FDFT1: variants seen among roughly 807,000 people sequenced by gnomAD.
FDFT1 encodes farnesyl-diphosphate farnesyltransferase 1, also known as squalene synthase.
FDFT1 carries 68 observed loss-of-function variants against 46.8 expected under a neutral mutation model. The ratio of observed to expected loss-of-function variants is 1.45; its 90% CI spans 1.19 to 1.78. The LOEUF (loss-of-function observed/expected upper bound fraction) is 1.78, where lower values mean the gene tolerates loss of function less well. Among genes scored for constraint, FDFT1 ranks in the 40% most tolerant of loss-of-function variants. The probability of loss-of-function intolerance (pLI) is 0.00; values close to 1 mark genes in which losing one functional copy is unlikely to be tolerated. For synonymous variants in FDFT1, 351 were observed against 185.1 expected (o/e 1.90, Z -7.28); for missense variants, 928 against 524.4 (o/e 1.77, Z -7.52).
intron 3 of FDFT1, among the ~76,000 whole-genome samples, chr8:11,816,123 G>T (rs1424524931): frequency 2.6e-5 from 4 of 152,158 alleles, no homozygotes; most frequent in Non-Finnish European, 5.9e-5. Context: ...ATTAAATAGG[G>T]AATCCTTTCT....
At chr8:11,831,882 G>T (rs144590001) in intron 7 of FDFT1, 10 of 494,348 alleles carry the variant, frequency 2.0e-5, no homozygotes, top group Admixed American at 3.4e-5. Flanking sequence ...GGTGAGAGGA[G>T]ATAAATGGAG....
rs931586562 is a variant in FDFT1 at position 11,803,151 on chromosome 8, C to T, written c.99+220C>T. 8 of 1,427,056 alleles carry T rather than the reference C, an allele frequency of 5.6e-6. No individual in the cohort carries two copies. The African/African-American group carries it at 7.2e-5, about 13-fold the overall frequency. The allele number at this position is 1,427,056 out of a possible 1,614,324, so 88.4% of individuals were successfully genotyped here. A position where few individuals can be genotyped will look rare whatever the true frequency, so the allele number is the denominator to read the frequency against. On this transcript the variant is annotated intron_variant, in intron 1 of 7. Coordinates refer to ENST00000220584, the MANE Select transcript of FDFT1 (RefSeq NM_004462.5). ...CCCTGCCCCCGCAAGCCGCCCTGGG[C>T]ATGAGCGACTTTTGCGTGGTTCCCG...
At chr8:11,823,380 ATTTTTT>A in intron 4 of FDFT1, among the ~76,000 whole-genome samples, 1 of 152,058 alleles carries the variant, frequency 6.6e-6, no homozygotes, top group East Asian at 1.9e-4. Context: ...AGATATACTA[ATTTTTT>A]TTTAAATTTC....
At chr8:11,832,081 C>A (rs898082219) in intron 7 of FDFT1, among the ~76,000 whole-genome samples, 3 of 152,156 alleles carry the variant, frequency 2.0e-5, no homozygotes, top group South Asian at 2.1e-4. Flanking sequence ...CTGGTACTTT[C>A]ATTATGCCAC....
At chr8:11,810,804 T>G (rs986768245) in intron 3 of FDFT1, among the ~76,000 whole-genome samples, 3 of 152,194 alleles carry the variant, frequency 2.0e-5, no homozygotes, top group East Asian at 3.9e-4. Flanking sequence ...CCAGAGCTTT[T>G]GGAGAACAGT....
chr8:11,807,363 A>T (rs1051604504), intron 1 of FDFT1, among the ~76,000 whole-genome samples: 2 of 152,018 alleles, frequency 1.3e-5, no homozygotes, highest in South Asian at 2.1e-4. Context: ...AGGTCTCACT[A>T]TGTTGCCCAG....
upstream of FDFT1, among the ~76,000 whole-genome samples, chr8:11,799,503 C>T (rs116165123): frequency 9.5e-3 from 1,444 of 152,312 alleles, 25 homozygotes; most frequent in African/African-American, 0.033. Context: ...ATCTTATTGC[C>T]ACAGAGTCTG....
chr8:11,806,133 G>A (rs1269919464), intron 1 of FDFT1, among the ~76,000 whole-genome samples: 1 of 152,158 alleles, frequency 6.6e-6, no homozygotes, highest in Non-Finnish European at 1.5e-5. Context: ...TGAGGCTGGA[G>A]CCCCTTCCTG....
rs1809899951 is a variant in FDFT1, at chr8:11,825,867, G to T, written c.511-157G>T. 1.8e-5 allele frequency: 8 copies of T among 435,750 alleles called. No individual in the cohort carries two copies. The East Asian group carries it at 2.7e-4, about 15-fold the overall frequency. The allele number at this position is 435,750 out of a possible 1,614,324, so 27.0% of individuals were successfully genotyped here. A position where few individuals can be genotyped will look rare whatever the true frequency, so the allele number is the denominator to read the frequency against. Reference sequence around the variant, plus strand: ...TGTTTTGAGCACATCCTTCTTGAATGTTTTTTAAATCCTGGTATGTATATT... The same window carrying T: ...TGTTTTGAGCACATCCTTCTTGAATTTTTTTTAAATCCTGGTATGTATATT... On this transcript the variant is annotated intron_variant, in intron 4 of 7. Coordinates refer to ENST00000220584, the MANE Select transcript of FDFT1 (RefSeq NM_004462.5).
At chr8:11,799,165 C>G (rs1585828557), upstream of FDFT1, among the ~76,000 whole-genome samples, 2 of 152,196 alleles carry the variant, frequency 1.3e-5, no homozygotes, top group South Asian at 2.1e-4. Flanking sequence ...GTCAAAAGGT[C>G]TTTTTAGGAC....
intron 5 of FDFT1, 122 bp downstream of exon 5, chr8:11,826,337 A>T (rs1056832279): frequency 4.6e-6 from 3 of 651,088 alleles, no homozygotes; most frequent in Non-Finnish European, 7.6e-6. Flanking sequence ...GCATAAGGGG[A>T]TGTGGAAAAT....
chr8:11,810,933 TAAAAA>T (rs71539744), intron 3 of FDFT1, among the ~76,000 whole-genome samples: 21 of 89,422 alleles, frequency 2.3e-4, no homozygotes, highest in Admixed American at 1.3e-3. Context: ...GAGCAATATT[TAAAAA>T]AAAAAAAAAA....
intron 3 of FDFT1, among the ~76,000 whole-genome samples, chr8:11,812,588 C>A (rs941733471): frequency 2.0e-5 from 3 of 152,202 alleles, no homozygotes; most frequent in Admixed American, 6.5e-5. Context: ...CAGGTTGTTA[C>A]AAAGATAAGT....
At chr8:11,815,718 G>C (rs1808351636) in intron 3 of FDFT1, among the ~76,000 whole-genome samples, 1 of 152,064 alleles carries the variant, frequency 6.6e-6, no homozygotes, top group African/African-American at 2.4e-5. Context: ...TGATGGGGTT[G>C]TTGATTTTCT....
At chr8:11,813,676 G>A (rs986157864) in intron 3 of FDFT1, among the ~76,000 whole-genome samples, 2 of 152,152 alleles carry the variant, frequency 1.3e-5, no homozygotes, top group African/African-American at 4.8e-5. Flanking sequence ...CCCTCTATGT[G>A]GGATTTGGCC....
intron 6 of FDFT1, 21 bp from the exon 7 acceptor site, chr8:11,831,494 TCCC>T: frequency 6.2e-7 from 1 of 1,601,696 alleles, no homozygotes; most frequent in Non-Finnish European, 8.5e-7. Context: ...TCTTCTTTTT[TCCC>T]TCTCTTCTTG....
chr8:11,831,853 C>A, intron 7 of FDFT1, 183 bp downstream of exon 7: 14 of 595,376 alleles, frequency 2.4e-5, no homozygotes. Context: ...GCAGATTGCT[C>A]ACTGCTGTGT....
At position 11,838,593 on chromosome 8, in the gene FDFT1, AGACTGGAGAACACT is replaced by A; in HGVS notation, c.1241_1254del (p.Thr414IlefsTer34). The A allele has an allele frequency of 6.2e-7, 1 of 1,613,738 alleles. No individual in the cohort carries two copies. The highest frequency in any genetic ancestry group is 8.5e-7 in the Non-Finnish European group (1 of 1,179,754). ...TCCCAGGTAACAGAAGACTATGTTC[AGACTGGAGAACACT>A]GATCCCAAATTTGTCCATAGCTGAA... On this transcript the variant is annotated frameshift_variant and stop_lost, in exon 8 of 8. Transcript: ENST00000220584. LOFTEE classifies it high-confidence loss of function.
At chr8:11,830,092 C>T (rs923027444) in intron 5 of FDFT1, 152 bp from the exon 6 acceptor site, 2 of 657,664 alleles carry the variant, frequency 3.0e-6, no homozygotes, top group Non-Finnish European at 5.4e-6. Flanking sequence ...GTGATCCACC[C>T]TCCTCGGCCT....
Sources: gnomAD v4.1 joint callset for allele counts (sites outside exome capture counted in the v4.1 genomes callset) on GRCh38, gnomAD v4.1.1 for gene constraint, MANE v1.5 for transcripts, NCBI Gene and HGNC (gene_info 2026-07-23, HGNC 2026-07-21) for gene names.